Variants in STXBP5L observed in about 807,000 individuals in gnomAD.
STXBP5L encodes the protein syntaxin binding protein 5L.
STXBP5L carries 65 observed loss-of-function variants against 144.5 expected under a neutral mutation model. That is an observed-to-expected ratio of 0.45 (90% CI 0.37 to 0.55). The LOEUF is 0.55. STXBP5L is among the 20% of genes least tolerant of loss of function. The pLI is 0.00. For missense variants in STXBP5L, 1,298 were observed against 1,405.5 expected (o/e 0.92, Z 1.22); for synonymous variants, 505 against 469.6 (o/e 1.08, Z -0.97).
At chr3:121,221,481 T>TA (rs2048971486) in intron 10 of STXBP5L, among the ~76,000 whole-genome samples, 1 of 151,646 alleles carries the variant, frequency 6.6e-6, no homozygotes, top group Non-Finnish European at 1.5e-5. Context: ...AGCTTAATAT[T>TA]ATTATTAATA....
intron 5 of STXBP5L, among the ~76,000 whole-genome samples, chr3:121,066,006 G>T (rs1014813601): frequency 3.9e-5 from 6 of 152,116 alleles, no homozygotes; most frequent in Admixed American, 2.6e-4. Context: ...AACCAATAAG[G>T]GTGTGAGTTT....
chr3:121,371,135 C>A (rs2046016934), intron 20 of STXBP5L, among the ~76,000 whole-genome samples: 1 of 152,188 alleles, frequency 6.6e-6, no homozygotes, highest in Non-Finnish European at 1.5e-5. Flanking sequence ...TCTTTATGGG[C>A]TGATGTTCTT....
Position 121,381,273 on chromosome 3 carries a change from T to A in STXBP5L, c.2348-20T>A. On this transcript the variant is annotated intron_variant, in intron 21 of 26. Transcript: ENST00000471454. ...AATATACTAACAATTTGTGTGGTTT[T>A]TTTTTATTTATTTCCATAGAAAACC... The A allele has an allele frequency of 6.4e-7, 1 of 1,571,368 alleles. No individual in the cohort carries two copies. Among genetic ancestry groups the A allele is most frequent in the East Asian group, 2.2e-5 (1 of 44,482 alleles).
intron 19 of STXBP5L, among the ~76,000 whole-genome samples, chr3:121,288,187 G>A (rs2051297908): frequency 6.6e-6 from 1 of 152,188 alleles, no homozygotes; most frequent in South Asian, 2.1e-4. Flanking sequence ...TTTTATGGCT[G>A]TGTAGTGTTC....
chr3:121,054,133 A>G (rs1405898462), intron 5 of STXBP5L, among the ~76,000 whole-genome samples: 1 of 152,186 alleles, frequency 6.6e-6, no homozygotes, highest in Non-Finnish European at 1.5e-5. Context: ...ACACTTTTAC[A>G]CGGTTGGTGG....
intron 5 of STXBP5L, among the ~76,000 whole-genome samples, chr3:121,104,527 A>C (rs1456871404): frequency 6.6e-6 from 1 of 152,206 alleles, no homozygotes; most frequent in Non-Finnish European, 1.5e-5. Flanking sequence ...ACAAAACAGC[A>C]TTGTACTGAT....
In STXBP5L at chr3:120,954,980, C is replaced by A; in HGVS notation, c.230C>A (p.Ala77Asp). 6.2e-7 allele frequency: 1 copy of A among 1,612,678 alleles called. No individual in the cohort carries two copies. The highest frequency in any genetic ancestry group is 8.5e-7 in the Non-Finnish European group (1 of 1,179,220). ...HGFPHQPTAL[A>D]FDPVQKILAI... Reference sequence around the variant, plus strand: ...TTTCCTCATCAGCCCACAGCATTAGCCTTTGATCCAGTTCAGAAAATCTTG... The same window carrying A: ...TTTCCTCATCAGCCCACAGCATTAGACTTTGATCCAGTTCAGAAAATCTTG... Residue 77 changes from alanine (A) to aspartate (D), a missense_variant, in exon 3 of 27, where the codon GCC (alanine) becomes GAC (aspartate). Ala to Asp is a moderately radical substitution (Grantham distance 126). Transcript: ENST00000471454.
At chr3:121,348,650 A>C (rs908389434) in intron 20 of STXBP5L, among the ~76,000 whole-genome samples, 2 of 152,040 alleles carry the variant, frequency 1.3e-5, no homozygotes, top group African/African-American at 4.8e-5. Flanking sequence ...TTATTGGTCT[A>C]TTCAGAGATT....
At chr3:121,188,589 A>G (rs540060281) in intron 9 of STXBP5L, among the ~76,000 whole-genome samples, 80 of 152,280 alleles carry the variant, frequency 5.3e-4, no homozygotes, top group Middle Eastern at 3.4e-3. Flanking sequence ...ATCCAGCAGC[A>G]CATCAAAAAG....
intron 4 of STXBP5L, among the ~76,000 whole-genome samples, chr3:121,042,768 G>T (rs1323744723): frequency 3.3e-5 from 5 of 152,020 alleles, no homozygotes; most frequent in African/African-American, 9.7e-5. Flanking sequence ...TTTCTCAGAG[G>T]ACTATGAGAT....
chr3:121,026,381 C>G (rs1945947114), intron 3 of STXBP5L, among the ~76,000 whole-genome samples: 1 of 152,054 alleles, frequency 6.6e-6, no homozygotes, highest in Non-Finnish European at 1.5e-5. Flanking sequence ...ACAAAACACT[C>G]TTTATCACAT....
chr3:121,348,920 A>C (rs563366681), intron 20 of STXBP5L, among the ~76,000 whole-genome samples: 82 of 152,058 alleles, frequency 5.4e-4, no homozygotes, highest in Middle Eastern at 3.4e-3. Context: ...TCCTGGATTC[A>C]TTGATTTTTT....
intron 20 of STXBP5L, among the ~76,000 whole-genome samples, chr3:121,328,043 A>C (rs562194111): frequency 1.3e-5 from 2 of 152,178 alleles, no homozygotes; most frequent in Non-Finnish European, 2.9e-5. Context: ...GTTATAATTC[A>C]AGTTTGTTAG....
intron 5 of STXBP5L, among the ~76,000 whole-genome samples, chr3:121,092,670 G>C (rs568180948): frequency 1.3e-5 from 2 of 152,076 alleles, no homozygotes; most frequent in Non-Finnish European, 2.9e-5. Context: ...GGAGATTTTG[G>C]GCTGAGACAG....
Position 121,239,115 on chromosome 3 carries a change from T to A in STXBP5L, c.1329T>A (p.Asn443Lys). The stretch of plus-strand genomic sequence containing the variant: ...AGCATAAAAAACAAGGATACAGTAA[T>A]AAGGTAAAAGTAGAAATTATAAATA... ...GVKHKKQGYS[N>K]KEWPISGGAW... Residue 443 changes from asparagine (N) to lysine (K), a missense_variant, in exon 13 of 27, where the codon AAT (asparagine) becomes AAA (lysine). By Grantham distance (94) the Asn-to-Lys change is moderately conservative. Transcript: ENST00000471454. 1 of 1,531,074 alleles carries A rather than the reference T, an allele frequency of 6.5e-7. No homozygotes were observed. The highest frequency in any genetic ancestry group is 8.8e-7 in the Non-Finnish European group (1 of 1,132,870). 94.8% of individuals were successfully genotyped at this position (1,531,074 alleles called of 1,614,324 possible).
chr3:121,177,990 T>A (rs2046999880), intron 9 of STXBP5L, among the ~76,000 whole-genome samples: 1 of 152,178 alleles, frequency 6.6e-6, no homozygotes, highest in African/African-American at 2.4e-5. Flanking sequence ...GGATGAACCT[T>A]GAGAATATTA....
intron 9 of STXBP5L, among the ~76,000 whole-genome samples, chr3:121,190,199 C>A (rs144599292): frequency 0.036 from 5,411 of 152,262 alleles, 147 homozygotes; most frequent in Middle Eastern, 0.082. Context: ...GCAGAGGGCC[C>A]TGCGGCCTTC....
At chr3:121,022,489 A>G (rs543751212) in intron 3 of STXBP5L, among the ~76,000 whole-genome samples, 84 of 152,334 alleles carry the variant, frequency 5.5e-4, no homozygotes, top group Middle Eastern at 3.4e-3. Flanking sequence ...TCCCTGATTA[A>G]CATAGATGCA....
rs376513823 is a variant in STXBP5L at position 121,278,087 on chromosome 3, C to G, written c.1959-1718C>G. 9.9e-5 allele frequency among the ~76,000 whole-genome samples: 15 copies of G among 152,088 alleles called. No homozygotes were observed. In the East Asian group the frequency reaches 1.7e-3, roughly 18 times the overall value. On this transcript the variant is annotated intron_variant, in intron 18 of 26. Transcript: ENST00000471454. ...GTAGCTGTTTTTGTAGTCTCAGTCT[C>G]TCATCTCTGCCTCCTCAACTAAATG...
Sources: allele counts gnomAD v4.1 joint callset (sites outside exome capture counted in the v4.1 genomes callset), GRCh38; gene constraint gnomAD v4.1.1; transcripts MANE v1.5; gene names NCBI Gene and HGNC (gene_info 2026-07-23, HGNC 2026-07-21).